Variants in ADK observed in about 807,000 individuals in gnomAD.
ADK encodes the protein N6,N6-dimethyladenosine kinase.
Under a neutral mutation model 44.7 loss-of-function variants are expected in ADK, and 24 were observed. That is an observed-to-expected ratio of 0.54 (90% confidence interval 0.39 to 0.76). ADK has a LOEUF of 0.76. ADK is among the 30% of genes least tolerant of loss of function. ADK has a pLI of 0.00. For synonymous variants in ADK, 128 were observed against 142.6 expected (o/e 0.90, Z 0.73); for missense variants, 321 against 425.1 (o/e 0.76, Z 2.15).
intron 4 of ADK, among the ~76,000 whole-genome samples, chr10:74,382,556 A>G (rs1843005867): frequency 6.6e-6 from 1 of 152,060 alleles, no homozygotes; most frequent in African/African-American, 2.4e-5. Flanking sequence ...GTGCTGTGTT[A>G]TTTTTTTATC....
At chr10:74,300,238 C>CTT (rs1839962191) in intron 3 of ADK, among the ~76,000 whole-genome samples, 1 of 147,840 alleles carries the variant, frequency 6.8e-6, no homozygotes, top group South Asian at 2.2e-4. Flanking sequence ...TTCTTTCTTT[C>CTT]TCTCTCTCTC....
chr10:74,180,493 T>C, intron 1 of ADK, among the ~76,000 whole-genome samples: 1 of 136,322 alleles, frequency 7.3e-6, no homozygotes, highest in East Asian at 2.1e-4. Flanking sequence ...GGAGTCTCGC[T>C]CTGTCACCCA....
chr10:74,694,146 C>CTTTTTTTTTT (rs1266786094), intron 10 of ADK, among the ~76,000 whole-genome samples: 2 of 36,306 alleles, frequency 5.5e-5, no homozygotes, highest in Non-Finnish European at 1.0e-4. Flanking sequence ...TTTTCAAACA[C>CTTTTTTTTTT]ATTTTTTTTT....
chr10:74,275,085 A>C (rs568771769), intron 3 of ADK, among the ~76,000 whole-genome samples: 1 of 152,182 alleles, frequency 6.6e-6, no homozygotes, highest in South Asian at 2.1e-4. Context: ...CTTACCATGC[A>C]GATGAAGGCC....
At chr10:74,407,898 C>CT (rs1376846250) in intron 6 of ADK, among the ~76,000 whole-genome samples, 1 of 151,938 alleles carries the variant, frequency 6.6e-6, no homozygotes, top group Non-Finnish European at 1.5e-5. Flanking sequence ...CTCCCTGGTC[C>CT]TTCATAGTGG....
chr10:74,521,214 A>G (rs1848820456), intron 6 of ADK, among the ~76,000 whole-genome samples: 1 of 152,166 alleles, frequency 6.6e-6, no homozygotes, highest in Non-Finnish European at 1.5e-5. Flanking sequence ...AATACTAAAT[A>G]TTTACTTAAA....
intron 6 of ADK, among the ~76,000 whole-genome samples, chr10:74,501,523 T>A (rs369638229): frequency 6.6e-6 from 1 of 152,202 alleles, no homozygotes; most frequent in African/African-American, 2.4e-5. Flanking sequence ...AAATCTTTTT[T>A]AAAAGTGCAC....
At chr10:74,442,090 C>A (rs2133138936) in intron 6 of ADK, among the ~76,000 whole-genome samples, 1 of 151,788 alleles carries the variant, frequency 6.6e-6, no homozygotes, top group East Asian at 1.9e-4. Context: ...GGGTTCAAGG[C>A]CAGCCTAGGC....
In ADK at chr10:74,622,592, T is replaced by C. The variant is rs566288722; in HGVS notation, c.877+22099T>C. Among the ~76,000 whole-genome samples the C allele has an allele frequency of 4.5e-4, 69 of 152,294 alleles. No individual in the cohort carries two copies. In the South Asian group the frequency reaches 0.013, roughly 30 times the overall value. The stretch of plus-strand genomic sequence containing the variant: ...AAGTTAAGTGGGCTTATCTGTGTAT[T>C]AAGGAATACTGTTTTTAGGAATGTG... On this transcript the variant is annotated intron_variant, in intron 9 of 10. Coordinates refer to ENST00000539909, the MANE Select transcript of ADK (RefSeq NM_006721.4).
chr10:74,600,271 T>C lies in ADK; in HGVS notation c.763-108T>C, dbSNP rs1243767316. 1.2e-5 allele frequency: 8 copies of C among 694,292 alleles called. No homozygotes were observed. The Admixed American group carries it at 1.8e-4, about 16-fold the overall frequency. 43.0% of individuals were successfully genotyped at this position (694,292 alleles called of 1,614,324 possible). On this transcript the variant is annotated intron_variant, in intron 8 of 10. Transcript: ENST00000539909. Reference sequence around the variant, plus strand: ...GAAATTTTTAATGTCTCTTAATAGATATGCAGGTCTCTTATTTTGATCAAT... The same window carrying C: ...GAAATTTTTAATGTCTCTTAATAGACATGCAGGTCTCTTATTTTGATCAAT...
intron 2 of ADK, among the ~76,000 whole-genome samples, chr10:74,214,302 A>T (rs1293215178): frequency 1.3e-5 from 2 of 152,004 alleles, no homozygotes; most frequent in Non-Finnish European, 2.9e-5. Context: ...ACTTTTTTTT[A>T]AATTGGAAGA....
intron 3 of ADK, among the ~76,000 whole-genome samples, chr10:74,249,898 A>G (rs1234182216): frequency 6.6e-6 from 1 of 152,212 alleles, no homozygotes; most frequent in Non-Finnish European, 1.5e-5. Context: ...TAGACACTGA[A>G]TACAGTGCCA....
intron 7 of ADK, among the ~76,000 whole-genome samples, chr10:74,566,844 A>G (rs191922090): frequency 2.6e-5 from 4 of 152,356 alleles, no homozygotes; most frequent in African/African-American, 9.6e-5. Context: ...TTTACTTTTT[A>G]TAGAAAGATA....
At position 74,666,397 on chromosome 10, in the gene ADK, C is replaced by T. The variant is rs112151689; in HGVS notation, c.878-3786C>T. On this transcript the variant is annotated intron_variant, in intron 9 of 10. Coordinates refer to ENST00000539909, the MANE Select transcript of ADK (RefSeq NM_006721.4). ...CAACTGAATTGTTAGTGTTTGTTTCCTGTCTGCTTGGGGAAGCTTATGATT... is the reference window on the plus strand; with the variant it reads ...CAACTGAATTGTTAGTGTTTGTTTCTTGTCTGCTTGGGGAAGCTTATGATT... 2.3e-4 allele frequency among the ~76,000 whole-genome samples: 35 copies of T among 152,202 alleles called. 2 individuals are homozygous for T. Among genetic ancestry groups the T allele is most frequent in the African/African-American group, 7.0e-4 (29 of 41,538 alleles).
intron 4 of ADK, among the ~76,000 whole-genome samples, chr10:74,335,854 C>CT (rs542554796): frequency 2.0e-4 from 30 of 151,756 alleles, no homozygotes; most frequent in South Asian, 1.7e-3. Context: ...AACTCTTTGC[C>CT]TTTTTTTTAA....
chr10:74,310,772 T>C lies in ADK; in HGVS notation c.195-3895T>C, dbSNP rs73286258. On this transcript the variant is annotated intron_variant, in intron 3 of 10. Coordinates refer to ENST00000539909, the MANE Select transcript of ADK (RefSeq NM_006721.4). ...AGTTTTTACTACTTTGATTTTGACC[T>C]GCATTTTAGTCTGTGTTTAACTGGT... Among the ~76,000 whole-genome samples the C allele has an allele frequency of 5.7e-3, 863 of 152,326 alleles. 13 individuals are homozygous for C. Among genetic ancestry groups the C allele is most frequent in the African/African-American group, 0.02 (820 of 41,580 alleles).
intron 6 of ADK, among the ~76,000 whole-genome samples, chr10:74,492,038 G>C (rs895623669): frequency 2.4e-4 from 36 of 152,048 alleles, no homozygotes; most frequent in African/African-American, 8.5e-4. Context: ...CACAGCTATT[G>C]TATGTATGTA....
chr10:74,469,461 C>T (rs1422759496), intron 6 of ADK, among the ~76,000 whole-genome samples: 2 of 152,086 alleles, frequency 1.3e-5, no homozygotes, highest in African/African-American at 2.4e-5. Context: ...TCCTGGGGCT[C>T]GAGTGATCCT....
chr10:74,707,706 T>TGGGCCA (rs1380176556), intron 10 of ADK, among the ~76,000 whole-genome samples: 1 of 136,818 alleles, frequency 7.3e-6, no homozygotes, highest in African/African-American at 2.8e-5. Context: ...GAGATTGCAG[T>TGGGCCA]GGGCCAGGAT....
Sources: gnomAD v4.1 joint callset for allele counts (sites outside exome capture counted in the v4.1 genomes callset) on GRCh38, gnomAD v4.1.1 for gene constraint, MANE v1.5 for transcripts, NCBI Gene and HGNC (gene_info 2026-07-23, HGNC 2026-07-21) for gene names.